ARHGAP42: variants seen among roughly 807,000 people sequenced by gnomAD.
ARHGAP42 encodes rho GTPase-activating protein 42.
Under a neutral mutation model 125.0 loss-of-function variants are expected in ARHGAP42, and 63 were observed. That is an observed-to-expected ratio of 0.50 (90% CI 0.41 to 0.62). The LOEUF is 0.62. Ranked by LOEUF, ARHGAP42 falls within the 20% of genes least tolerant of loss-of-function variation. ARHGAP42 has a pLI of 0.00. For synonymous variants in ARHGAP42, 339 were observed against 351.0 expected (o/e 0.97, Z 0.38); for missense variants, 766 against 1,024.2 (o/e 0.75, Z 3.44).
intron 3 of ARHGAP42, among the ~76,000 whole-genome samples, chr11:100,799,780 A>G (rs1863808280): frequency 2.0e-5 from 3 of 152,226 alleles, no homozygotes; most frequent in African/African-American, 7.2e-5. Context: ...AAAGAGATCC[A>G]AAGGAATGTT....
chr11:100,687,639 C>T lies in ARHGAP42; in HGVS notation c.-40C>T. Reference sequence around the variant, plus strand: ...CGGCTGCCCCCGCCCTGACCTCCGGCCCGGACGTGTCCGCGGCCGCCGCTG... The same window carrying T: ...CGGCTGCCCCCGCCCTGACCTCCGGTCCGGACGTGTCCGCGGCCGCCGCTG... On this transcript the variant is annotated 5_prime_UTR_variant, in exon 1 of 24. Transcript: ENST00000298815. 1 of 1,387,794 alleles carries T rather than the reference C, an allele frequency of 7.2e-7. No homozygotes were observed. The highest frequency in any genetic ancestry group is 9.4e-7 in the Non-Finnish European group (1 of 1,058,278). 86.0% of individuals were successfully genotyped at this position (1,387,794 alleles called of 1,614,324 possible).
intron 2 of ARHGAP42, among the ~76,000 whole-genome samples, chr11:100,780,557 C>T (rs1863284037): frequency 6.6e-6 from 1 of 152,166 alleles, no homozygotes; most frequent in African/African-American, 2.4e-5. Flanking sequence ...CATGGTGGAG[C>T]GTTATTGAAG....
At chr11:100,722,974 G>T (rs1388628587) in intron 1 of ARHGAP42, among the ~76,000 whole-genome samples, 1 of 152,168 alleles carries the variant, frequency 6.6e-6, no homozygotes, top group African/African-American at 2.4e-5. Flanking sequence ...GTTCACTTTT[G>T]TAAAGGGTGT....
intron 2 of ARHGAP42, among the ~76,000 whole-genome samples, chr11:100,781,000 G>T (rs1035058307): frequency 2.0e-5 from 3 of 152,212 alleles, no homozygotes; most frequent in African/African-American, 7.2e-5. Context: ...TAATTGGAAA[G>T]AGTTCAATAG....
chr11:100,690,236 C>T lies in ARHGAP42; in HGVS notation c.154+2404C>T, dbSNP rs148676101. On this transcript the variant is annotated intron_variant, in intron 1 of 23. Transcript: ENST00000298815. ...TATTTCAATAGATGTATCCATTACC[C>T]GTTTCAGTTTTTTTAGCACGGCACT... 3.0e-3 allele frequency among the ~76,000 whole-genome samples: 450 copies of T among 152,124 alleles called. 2 individuals carry two copies. Among genetic ancestry groups the T allele is most frequent in the Non-Finnish European group, 4.7e-3 (317 of 67,994 alleles).
intron 1 of ARHGAP42, among the ~76,000 whole-genome samples, chr11:100,705,977 CTTT>C (rs34731514): frequency 7.1e-5 from 8 of 112,058 alleles, no homozygotes; most frequent in Non-Finnish European, 1.2e-4. Context: ...AGTTAAGTAA[CTTT>C]TTTTTTTTTT....
intron 7 of ARHGAP42, among the ~76,000 whole-genome samples, chr11:100,935,656 T>TCACACACACACACA (rs370952044): frequency 2.1e-5 from 3 of 140,564 alleles, no homozygotes; most frequent in Admixed American, 7.2e-5. Context: ...AGGAAGAAGG[T>TCACACACACACACA]CACACACACA....
At chr11:100,921,368 A>G in intron 5 of ARHGAP42, 126 bp from the exon 6 acceptor site, 1 of 648,694 alleles carries the variant, frequency 1.5e-6, no homozygotes. Context: ...CCTGTAGGCA[A>G]GGACTATAAT....
intron 3 of ARHGAP42, among the ~76,000 whole-genome samples, chr11:100,833,001 G>A (rs1285471915): frequency 1.3e-5 from 2 of 152,210 alleles, no homozygotes; most frequent in African/African-American, 4.8e-5. Context: ...TAGAATGTGG[G>A]TTTTGTATCC....
chr11:100,698,427 C>A (rs776904153), intron 1 of ARHGAP42, among the ~76,000 whole-genome samples: 29 of 152,152 alleles, frequency 1.9e-4, no homozygotes, highest in African/African-American at 2.4e-5. Context: ...GCCATGATCA[C>A]GCCACTGTAC....
rs868527060 is a variant in ARHGAP42, at chr11:100,734,429, G to A, written c.155-35914G>A. Among the ~76,000 whole-genome samples, 4 of 151,738 alleles carry A rather than the reference G, an allele frequency of 2.6e-5. No homozygotes were observed. The South Asian group carries it at 6.3e-4, about 24-fold the overall frequency. ...TGAGTAGCTGGGATTACAGGCATGC[G>A]CCACCATGCCCAGCTAATTTTTCGT... On this transcript the variant is annotated intron_variant, in intron 1 of 23. Coordinates refer to ENST00000298815, the MANE Select transcript of ARHGAP42 (RefSeq NM_152432.4).
chr11:100,942,163 G>C (rs745977885), intron 9 of ARHGAP42, among the ~76,000 whole-genome samples: 1 of 152,162 alleles, frequency 6.6e-6, no homozygotes, highest in Non-Finnish European at 1.5e-5. Flanking sequence ...TCCGGCAGCA[G>C]AGTTATTTGT....
At chr11:100,775,694 T>A (rs1019807159) in intron 2 of ARHGAP42, among the ~76,000 whole-genome samples, 1 of 152,228 alleles carries the variant, frequency 6.6e-6, no homozygotes, top group African/African-American at 2.4e-5. Flanking sequence ...AGCACATTAG[T>A]GTATAGGATA....
chr11:100,691,792 G>C (rs1340699914), intron 1 of ARHGAP42, among the ~76,000 whole-genome samples: 1 of 152,136 alleles, frequency 6.6e-6, no homozygotes, highest in Non-Finnish European at 1.5e-5. Context: ...CCAAAGTGCT[G>C]AGATTACAGG....
chr11:100,842,005 A>G (rs1237804879), intron 3 of ARHGAP42, among the ~76,000 whole-genome samples: 2 of 152,192 alleles, frequency 1.3e-5, no homozygotes, highest in African/African-American at 4.8e-5. Flanking sequence ...CACTGTAAGT[A>G]TTTGCTTGAA....
intron 17 of ARHGAP42, among the ~76,000 whole-genome samples, chr11:100,967,414 T>C (rs1313415585): frequency 1.3e-5 from 2 of 152,224 alleles, no homozygotes; most frequent in East Asian, 1.9e-4. Flanking sequence ...TAGAAAATTA[T>C]TATGGAATTT....
rs1332991624 is a variant in ARHGAP42 at position 100,911,289 on chromosome 11, T to C, written c.385-2163T>C. Among the ~76,000 whole-genome samples the C allele has an allele frequency of 2.6e-5, 4 of 152,154 alleles. No homozygotes were observed. The East Asian group carries it at 7.7e-4, about 29-fold the overall frequency. ...AGAAGAAGAATTTACTTATTAAATA[T>C]TTATTGAGTATTCATTAGGTATTCC... On this transcript the variant is annotated intron_variant, in intron 4 of 23. Transcript: ENST00000298815.
chr11:100,872,231 A>G (rs538398219), intron 4 of ARHGAP42, among the ~76,000 whole-genome samples: 10 of 152,292 alleles, frequency 6.6e-5, no homozygotes, highest in Admixed American at 6.5e-4. Flanking sequence ...AAAATTATTT[A>G]TCTTCTTATT....
chr11:100,787,227 G>A (rs549463571), intron 2 of ARHGAP42, among the ~76,000 whole-genome samples: 2 of 151,602 alleles, frequency 1.3e-5, no homozygotes, highest in East Asian at 3.9e-4. Flanking sequence ...GCAGTGAGCC[G>A]AGATCGCACC....
Sources: allele counts gnomAD v4.1 joint callset (sites outside exome capture counted in the v4.1 genomes callset), GRCh38; gene constraint gnomAD v4.1.1; transcripts MANE v1.5; gene names NCBI Gene and HGNC (gene_info 2026-07-23, HGNC 2026-07-21).